The following ZNF385D variants were observed in gnomAD, a reference collection of about 807,000 sequenced individuals.
ZNF385D encodes zinc finger protein 385D.
A neutral mutation model predicts 35.8 loss-of-function variants in ZNF385D; 15 were observed. The observed-to-expected ratio is 0.42, with a 90% confidence interval of 0.28 to 0.64. The LOEUF (loss-of-function observed/expected upper bound fraction) is 0.64, where lower values mean the gene tolerates loss of function less well. Among genes scored for constraint, ZNF385D ranks in the 30% least tolerant of loss-of-function variants. ZNF385D has a pLI of 0.23. For missense variants in ZNF385D, 474 were observed against 494.6 expected (o/e 0.96, Z 0.39); for synonymous variants, 212 against 186.8 (o/e 1.13, Z -1.10).
At position 22,160,579 on chromosome 3, in the gene ZNF385D, G is replaced by C. The variant is rs74901456; in HGVS notation, c.325+8238C>G. On this transcript the variant is annotated intron_variant, in intron 3 of 5. Coordinates refer to the ZNF385D transcript ENST00000494108. ...CAATCAATGGAAAGAAAAAAGAATAGATCAGTGAGAACTAGAAATTAAAAT... is the reference window on the plus strand; with the variant it reads ...CAATCAATGGAAAGAAAAAAGAATACATCAGTGAGAACTAGAAATTAAAAT... 3.4e-3 allele frequency among the ~76,000 whole-genome samples: 512 copies of C among 152,162 alleles called. 1 individual carries two copies. The highest frequency in any genetic ancestry group is 4.9e-3 in the Non-Finnish European group (334 of 67,968).
At chr3:21,447,106 G>A (rs1702196337) in intron 4 of ZNF385D, among the ~76,000 whole-genome samples, 1 of 152,082 alleles carries the variant, frequency 6.6e-6, no homozygotes, top group Admixed American at 6.6e-5. Flanking sequence ...AAGATTGTTA[G>A]GCCTTGTTCT....
intron 2 of ZNF385D, among the ~76,000 whole-genome samples, chr3:22,191,346 G>A (rs1010949898): frequency 1.3e-5 from 2 of 151,938 alleles, no homozygotes; most frequent in East Asian, 1.9e-4. Context: ...AATTAGCCGC[G>A]CATGGTGGTG....
At chr3:22,310,648 T>A (rs2125427158) in intron 2 of ZNF385D, among the ~76,000 whole-genome samples, 1 of 152,076 alleles carries the variant, frequency 6.6e-6, no homozygotes, top group East Asian at 1.9e-4. Context: ...GAAAGAGAAG[T>A]AAATTTAAAC....
At chr3:22,219,462 C>A (rs763625748) in intron 2 of ZNF385D, among the ~76,000 whole-genome samples, 33 of 152,072 alleles carry the variant, frequency 2.2e-4, no homozygotes, top group Non-Finnish European at 4.6e-4. Flanking sequence ...AACCTATTCT[C>A]CAGGGAATTA....
At chr3:21,796,315 A>T (rs554496981) in intron 3 of ZNF385D, among the ~76,000 whole-genome samples, 103 of 152,320 alleles carry the variant, frequency 6.8e-4, no homozygotes, top group South Asian at 2.1e-3. Context: ...TCCTTATACT[A>T]AAACCCAACA....
intron 3 of ZNF385D, among the ~76,000 whole-genome samples, chr3:22,149,595 T>C (rs1174798450): frequency 6.6e-6 from 1 of 152,176 alleles, no homozygotes; most frequent in East Asian, 1.9e-4. Context: ...GCCACGACCA[T>C]AGAGGTATGA....
upstream of ZNF385D, among the ~76,000 whole-genome samples, chr3:21,753,799 G>GTGTA (rs1473142096): frequency 6.6e-6 from 1 of 151,898 alleles, no homozygotes; most frequent in East Asian, 1.9e-4. Flanking sequence ...TTGTGTGTGT[G>GTGTA]TGTGTGTGTA....
intron 3 of ZNF385D, among the ~76,000 whole-genome samples, chr3:22,086,181 T>C (rs1576294312): frequency 6.6e-6 from 1 of 152,096 alleles, no homozygotes; most frequent in Non-Finnish European, 1.5e-5. Flanking sequence ...CTATTCAACA[T>C]AGTGTTGGAA....
intron 3 of ZNF385D, among the ~76,000 whole-genome samples, chr3:21,902,622 G>T (rs1699467684): frequency 6.6e-6 from 1 of 152,082 alleles, no homozygotes; most frequent in African/African-American, 2.4e-5. Context: ...ACAGCAGAAT[G>T]GTGTCATTGA....
intron 3 of ZNF385D, among the ~76,000 whole-genome samples, chr3:22,019,952 G>A (rs1353252845): frequency 6.6e-6 from 1 of 151,254 alleles, no homozygotes; most frequent in Non-Finnish European, 1.5e-5. Context: ...CAAATGCTGT[G>A]GTAGATAATG....
intron 2 of ZNF385D, among the ~76,000 whole-genome samples, chr3:22,199,133 A>C (rs1420995636): frequency 6.6e-6 from 1 of 151,820 alleles, no homozygotes; most frequent in Non-Finnish European, 1.5e-5. Context: ...AAAACCAAAC[A>C]CACAAAAAAC....
At chr3:21,968,030 T>G (rs1429663490) in intron 3 of ZNF385D, among the ~76,000 whole-genome samples, 3 of 152,112 alleles carry the variant, frequency 2.0e-5, no homozygotes, top group Admixed American at 6.5e-5. Flanking sequence ...AAGTCTTGAA[T>G]AGCTTACACC....
At chr3:22,107,444 T>G (rs578046313) in intron 3 of ZNF385D, among the ~76,000 whole-genome samples, 160 of 152,258 alleles carry the variant, frequency 1.1e-3, no homozygotes, top group African/African-American at 3.5e-3. Flanking sequence ...AAGCAAAGTT[T>G]ATACATGGAA....
chr3:21,918,177 G>A (rs192620574), intron 3 of ZNF385D, among the ~76,000 whole-genome samples: 4 of 143,564 alleles, frequency 2.8e-5, no homozygotes, highest in African/African-American at 9.9e-5. Context: ...TTAGCAATGG[G>A]GAATATGATT....
Position 21,994,220 on chromosome 3 carries a change from T to G in ZNF385D, c.325+174597A>C, listed in dbSNP as rs137881669. 3.2e-3 allele frequency among the ~76,000 whole-genome samples: 485 copies of G among 152,230 alleles called. 4 individuals are homozygous for G. Among genetic ancestry groups the G allele is most frequent in the African/African-American group, 0.011 (440 of 41,530 alleles). Reference sequence around the variant, plus strand: ...GGTGTTAGTTGGGTCATTAAACACATAAGATCTACATACTGTTTTTACTTA... The same window carrying G: ...GGTGTTAGTTGGGTCATTAAACACAGAAGATCTACATACTGTTTTTACTTA... On this transcript the variant is annotated intron_variant, in intron 3 of 5. Coordinates refer to the ZNF385D transcript ENST00000494108.
chr3:21,785,642 C>T (rs2071659928), intron 3 of ZNF385D, among the ~76,000 whole-genome samples: 1 of 152,190 alleles, frequency 6.6e-6, no homozygotes, highest in Non-Finnish European at 1.5e-5. Context: ...ATATAAGTGA[C>T]ATTTTGAAGT....
chr3:21,932,083 T>C lies in ZNF385D; in HGVS notation c.325+236734A>G, dbSNP rs111695210. Among the ~76,000 whole-genome samples, 710 of 143,082 alleles carry C rather than the reference T, an allele frequency of 5.0e-3. 7 individuals are homozygous for C. Among genetic ancestry groups the C allele is most frequent in the African/African-American group, 0.018 (665 of 37,768 alleles). 93.9% of individuals were successfully genotyped at this position (143,082 alleles called of 152,430 possible). On this transcript the variant is annotated intron_variant, in intron 3 of 5. Transcript: ENST00000494108. ...TCGGGAGGCTGAGGCAGGAGAATGGTGTGAATCCTGGAGGCGGAGCTTGCA... is the reference window on the plus strand; with the variant it reads ...TCGGGAGGCTGAGGCAGGAGAATGGCGTGAATCCTGGAGGCGGAGCTTGCA...
intron 7 of ZNF385D, 147 bp from the exon 8 acceptor site, chr3:21,421,594 G>A: frequency 1.6e-6 from 1 of 623,024 alleles, no homozygotes; most frequent in South Asian, 2.1e-5. Flanking sequence ...CAAAGAAAAT[G>A]GGAAGTATAG....
At chr3:22,001,539 T>C (rs1253707625) in intron 3 of ZNF385D, among the ~76,000 whole-genome samples, 4 of 152,084 alleles carry the variant, frequency 2.6e-5, no homozygotes, top group Admixed American at 2.6e-4. Flanking sequence ...CAATTTTAGT[T>C]GGGTACTTCA....
Sources: gnomAD v4.1 joint callset for allele counts (sites outside exome capture counted in the v4.1 genomes callset) on GRCh38, gnomAD v4.1.1 for gene constraint, MANE v1.5 for transcripts, NCBI Gene and HGNC (gene_info 2026-07-23, HGNC 2026-07-21) for gene names.